Variants in GRIP1 observed in about 807,000 individuals in gnomAD.
GRIP1 encodes glutamate receptor interacting protein 1.
A neutral mutation model predicts 129.9 loss-of-function variants in GRIP1; 45 were observed. The ratio of observed to expected loss-of-function variants is 0.35; its 90% CI spans 0.27 to 0.44. The LOEUF (loss-of-function observed/expected upper bound fraction) is 0.44, where lower values mean the gene tolerates loss of function less well. GRIP1 is among the 20% of genes least tolerant of loss of function. GRIP1 has a pLI of 1.00. For missense variants in GRIP1, 1,196 were observed against 1,396.8 expected, an observed-to-expected ratio of 0.86 and a Z score of 2.29; for synonymous variants, 530 against 520.8, an observed-to-expected ratio of 1.02 and a Z score of -0.24.
chr12:66,731,028 C>T (rs2136497487), intron 1 of GRIP1, among the ~76,000 whole-genome samples: 1 of 151,972 alleles, frequency 6.6e-6, no homozygotes, highest in South Asian at 2.1e-4. Context: ...CAAAGGGAGA[C>T]TATAAGCCTA....
chr12:66,501,112 T>G (rs148454325), intron 7 of GRIP1, among the ~76,000 whole-genome samples: 2,827 of 152,246 alleles, frequency 0.019, 82 homozygotes, highest in African/African-American at 0.065. Flanking sequence ...AACTGTACCC[T>G]CCTGGGTGAT....
intron 1 of GRIP1, among the ~76,000 whole-genome samples, chr12:66,801,971 C>T (rs2038871304): frequency 1.3e-5 from 2 of 152,092 alleles, no homozygotes; most frequent in South Asian, 4.1e-4. Context: ...TAATTGAATG[C>T]AACCATATTA....
intron 1 of GRIP1, among the ~76,000 whole-genome samples, chr12:67,014,056 G>A (rs565392302): frequency 6.6e-6 from 1 of 152,258 alleles, no homozygotes; most frequent in Admixed American, 6.6e-5. Context: ...CCATGATGGA[G>A]ACCAGCCCAA....
Position 66,596,547 on chromosome 12 carries a change from T to C in GRIP1, c.136+300A>G, listed in dbSNP as rs371630797. On this transcript the variant is annotated intron_variant, in intron 2 of 24. Transcript: ENST00000359742. ...GAAATGGATGCTATTGTGAAAGTCATCCCCTGAAAATGAGATGAGAGTAAG... is the reference window on the plus strand; with the variant it reads ...GAAATGGATGCTATTGTGAAAGTCACCCCCTGAAAATGAGATGAGAGTAAG... Among the ~76,000 whole-genome samples the C allele has an allele frequency of 4.6e-5, 7 of 152,292 alleles. No homozygotes were observed. In the South Asian group the frequency reaches 1.0e-3, roughly 23 times the overall value.
chr12:66,874,360 C>A (rs528573425), intron 1 of GRIP1, among the ~76,000 whole-genome samples: 63 of 152,090 alleles, frequency 4.1e-4, no homozygotes, highest in African/African-American at 1.5e-3. Flanking sequence ...AGTTCATATA[C>A]CACAGTGCTG....
intron 1 of GRIP1, among the ~76,000 whole-genome samples, chr12:66,704,247 C>T (rs2035451782): frequency 6.6e-6 from 1 of 151,860 alleles, no homozygotes; most frequent in Admixed American, 6.6e-5. Context: ...GTGAACATAT[C>T]ATCTTTTGAT....
intron 24 of GRIP1, among the ~76,000 whole-genome samples, chr12:66,349,824 A>AT (rs1592663416): frequency 6.6e-6 from 1 of 151,372 alleles, no homozygotes; most frequent in African/African-American, 2.4e-5. Flanking sequence ...TCTACTAAGA[A>AT]AATTTTTTTA....
intron 7 of GRIP1, among the ~76,000 whole-genome samples, chr12:66,473,269 C>T (rs1316867533): frequency 6.6e-6 from 1 of 152,226 alleles, no homozygotes; most frequent in Non-Finnish European, 1.5e-5. Context: ...GCCAGACTGC[C>T]TCTCTAGATT....
intron 1 of GRIP1, among the ~76,000 whole-genome samples, chr12:66,761,209 T>C (rs1247065753): frequency 6.6e-6 from 1 of 151,998 alleles, no homozygotes; most frequent in Non-Finnish European, 1.5e-5. Context: ...CAAGCATCAC[T>C]ACAGACAAAC....
intron 1 of GRIP1, among the ~76,000 whole-genome samples, chr12:66,851,834 T>C (rs1315049182): frequency 6.6e-6 from 1 of 152,120 alleles, no homozygotes; most frequent in Non-Finnish European, 1.5e-5. Flanking sequence ...ATAAGCAAAG[T>C]GTTAAAAAGG....
chr12:66,977,382 T>G (rs2042169286), intron 1 of GRIP1, among the ~76,000 whole-genome samples: 1 of 152,166 alleles, frequency 6.6e-6, no homozygotes, highest in Admixed American at 6.6e-5. Flanking sequence ...GAATGCACAT[T>G]AAGTTCTATA....
At chr12:66,402,855 T>G (rs1186230057) in intron 16 of GRIP1, among the ~76,000 whole-genome samples, 1 of 152,236 alleles carries the variant, frequency 6.6e-6, no homozygotes, top group Non-Finnish European at 1.5e-5. Context: ...GGGTAAATGC[T>G]TATTTTCCAC....
At chr12:66,513,358 C>A (rs1420818605) in intron 7 of GRIP1, among the ~76,000 whole-genome samples, 1 of 152,010 alleles carries the variant, frequency 6.6e-6, no homozygotes, top group African/African-American at 2.4e-5. Flanking sequence ...ATTCGGGTAA[C>A]CTCAAAGATG....
At chr12:66,538,676 C>T (rs1034791983) in intron 4 of GRIP1, among the ~76,000 whole-genome samples, 2 of 152,062 alleles carry the variant, frequency 1.3e-5, no homozygotes, top group Admixed American at 1.3e-4. Flanking sequence ...GATCATGTCT[C>T]ACTGCAGCCT....
intron 1 of GRIP1, among the ~76,000 whole-genome samples, chr12:66,696,459 G>T (rs1404402577): frequency 6.6e-6 from 1 of 151,956 alleles, no homozygotes; most frequent in Non-Finnish European, 1.5e-5. Context: ...GAGAAAGGTG[G>T]AACATACTCA....
rs370953135 is a variant in GRIP1, at chr12:66,590,944, C to T, written c.136+5903G>A. Among the ~76,000 whole-genome samples, 59 of 152,246 alleles carry T rather than the reference C, an allele frequency of 3.9e-4. 1 individual carries two copies. The highest frequency in any genetic ancestry group is 1.3e-3 in the African/African-American group (56 of 41,534). ...TAGGAAAGTATGCCAGTCTTAGGGC[C>T]ACAGATTCCTCACAGAGAAAATCTA... On this transcript the variant is annotated intron_variant, in intron 2 of 24. Transcript: ENST00000359742.
At chr12:66,377,638 C>G (rs2055868744) in intron 20 of GRIP1, among the ~76,000 whole-genome samples, 1 of 124,612 alleles carries the variant, frequency 8.0e-6, no homozygotes. Context: ...CGCACCCGGC[C>G]TTTTTTTTTT....
chr12:66,934,246 A>G (rs1430613593), intron 1 of GRIP1, among the ~76,000 whole-genome samples: 1 of 152,154 alleles, frequency 6.6e-6, no homozygotes, highest in African/African-American at 2.4e-5. Flanking sequence ...GTCTCTGCTC[A>G]TGTCTTACTG....
At chr12:66,884,058 A>G (rs1174012829) in intron 1 of GRIP1, among the ~76,000 whole-genome samples, 7 of 152,228 alleles carry the variant, frequency 4.6e-5, no homozygotes, top group African/African-American at 1.4e-4. Context: ...TAGCTCTCCA[A>G]GGCATTCTGG....
Sources: gnomAD v4.1 joint callset for allele counts (sites outside exome capture counted in the v4.1 genomes callset) on GRCh38, gnomAD v4.1.1 for gene constraint, MANE v1.5 for transcripts, NCBI Gene and HGNC (gene_info 2026-07-23, HGNC 2026-07-21) for gene names.